AR: variants seen among roughly 807,000 people sequenced by gnomAD.
AR encodes the protein androgen receptor, also known as dihydrotestosterone receptor.
AR carries 8 observed loss-of-function variants against 53.9 expected under a neutral mutation model. That is an observed-to-expected ratio of 0.15 (90% CI 0.09 to 0.27). The LOEUF (loss-of-function observed/expected upper bound fraction) is 0.27. Ranked by LOEUF, AR falls within the 10% of genes least tolerant of loss-of-function variation. AR has a pLI of 1.00. For synonymous variants in AR, 359 were observed against 316.4 expected, an observed-to-expected ratio of 1.13 and a Z score of -1.43; for missense variants, 639 against 742.5, an observed-to-expected ratio of 0.86 and a Z score of 1.62.
intron 2 of AR, 138 bp downstream of exon 2, chrX:67,643,545 C>A: frequency 1.1e-6 from 1 of 881,494 alleles, no homozygotes; most frequent in African/African-American, 2.0e-5. Context: ...AACTTAGGAG[C>A]CTAAGGAAGC....
rs1555969922 is a variant in AR, at chrX:67,546,508, G to GGGTGGTGGC, written c.1365_1373dup (p.Gly471_Gly473dup). ...TGTATGGACCGTGTGGTGGTGGTGGGGGTGGTGGCGGCGGCGGCGGCGGCG... is the reference window on the plus strand; with the variant it reads ...TGTATGGACCGTGTGGTGGTGGTGGGGGTGGTGGCGGTGGTGGCGGCGGCGGCGGCGGCG... On this transcript the variant is annotated inframe_insertion, in exon 1 of 8. Coordinates refer to ENST00000374690, the MANE Select transcript of AR (RefSeq NM_000044.6). 4.5e-5 allele frequency: 43 copies of GGGTGGTGGC among 965,661 alleles called. No homozygotes were observed. Among genetic ancestry groups the GGGTGGTGGC allele is most frequent in the Admixed American group, 4.7e-5 (1 of 21,443 alleles). 79.6% of individuals were successfully genotyped at this position (965,661 alleles called of 1,213,427 possible). A position where few individuals can be genotyped will look rare whatever the true frequency, so the allele number is the denominator to read the frequency against.
intron 1 of AR, among the ~76,000 whole-genome samples, chrX:67,630,952 A>C (rs1925060315): frequency 9.0e-6 from 1 of 111,008 alleles, no homozygotes; most frequent in African/African-American, 3.3e-5. Context: ...TTCTTTATGA[A>C]TGTTGAATAT....
intron 1 of AR, among the ~76,000 whole-genome samples, chrX:67,628,298 C>G (rs1569287154): frequency 1.0e-5 from 1 of 100,166 alleles, no homozygotes; most frequent in Non-Finnish European, 2.1e-5. Flanking sequence ...TTGTTTGTAT[C>G]CTCTTTTATT....
chrX:67,599,745 T>A (rs1344588683), intron 1 of AR, among the ~76,000 whole-genome samples: 1 of 112,606 alleles, frequency 8.9e-6, no homozygotes, highest in Non-Finnish European at 1.9e-5. Context: ...CAATGCTGAT[T>A]TATTTCAAAA....
At chrX:67,569,174 T>G in intron 1 of AR, 1 of 330,495 alleles carries the variant, frequency 3.0e-6, no homozygotes, top group South Asian at 6.4e-5. Flanking sequence ...GTTGACTAAT[T>G]TGGGGCAGAA....
intron 2 of AR, among the ~76,000 whole-genome samples, chrX:67,661,177 C>T (rs1474268171): frequency 9.0e-6 from 1 of 111,441 alleles, no homozygotes; most frequent in Non-Finnish European, 1.9e-5. Context: ...AATTTGACTT[C>T]CTCTTTTCCT....
chrX:67,630,599 C>A (rs1334456143), intron 1 of AR, among the ~76,000 whole-genome samples: 16 of 111,015 alleles, frequency 1.4e-4, no homozygotes, highest in African/African-American at 5.3e-4. Context: ...ATCCAATTTG[C>A]CAGTCTGTGT....
intron 1 of AR, among the ~76,000 whole-genome samples, chrX:67,626,610 TTATATATA>T (rs201252311): frequency 4.7e-5 from 4 of 85,171 alleles, no homozygotes; most frequent in Admixed American, 1.4e-4. Flanking sequence ...CCGACTAATT[TTATATATA>T]TATATATATA....
chrX:67,696,034 T>C, intron 3 of AR: 1 of 751,933 alleles, frequency 1.3e-6, no homozygotes, highest in Non-Finnish European at 1.6e-6. Flanking sequence ...GTTGCATATT[T>C]CTACTAGTGA....
chrX:67,614,182 G>A (rs778522337), intron 1 of AR, among the ~76,000 whole-genome samples: 13 of 111,513 alleles, frequency 1.2e-4, no homozygotes, highest in Admixed American at 2.9e-4. Flanking sequence ...TTAGGCCATC[G>A]TGGTTTAAAG....
At chrX:67,659,631 G>T (rs1926772292) in intron 2 of AR, among the ~76,000 whole-genome samples, 3 of 111,665 alleles carry the variant, frequency 2.7e-5, no homozygotes, top group Admixed American at 9.5e-5. Context: ...TGGACATTTG[G>T]GTTGGTTCCA....
intron 1 of AR, among the ~76,000 whole-genome samples, chrX:67,637,884 G>T (rs1925529857): frequency 9.1e-6 from 1 of 110,333 alleles, no homozygotes; most frequent in Non-Finnish European, 1.9e-5. Flanking sequence ...GTACAGGTTT[G>T]TTACATAGGT....
At chrX:67,674,859 A>G (rs1486735797) in intron 2 of AR, among the ~76,000 whole-genome samples, 1 of 111,200 alleles carries the variant, frequency 9.0e-6, no homozygotes, top group African/African-American at 3.3e-5. Flanking sequence ...TCTCCTTTAC[A>G]GAGACTCTCC....
intron 1 of AR, among the ~76,000 whole-genome samples, chrX:67,630,213 G>T (rs1332646176): frequency 3.6e-5 from 4 of 110,865 alleles, no homozygotes; most frequent in African/African-American, 1.3e-4. Flanking sequence ...CTGTCTCGTT[G>T]ATCTGTCTAA....
intron 1 of AR, among the ~76,000 whole-genome samples, chrX:67,623,523 C>T (rs988939362): frequency 7.2e-5 from 8 of 111,273 alleles, no homozygotes; most frequent in African/African-American, 2.3e-4. Context: ...TTTGTAACTG[C>T]GAAGGCCTAT....
chrX:67,687,319 C>T (rs1202829879), intron 3 of AR, among the ~76,000 whole-genome samples: 3 of 112,007 alleles, frequency 2.7e-5, no homozygotes, highest in Non-Finnish European at 5.6e-5. Flanking sequence ...TCCTCCCCAT[C>T]CTCACAGGGC....
chrX:67,646,541 G>C (rs1032083987), intron 2 of AR, among the ~76,000 whole-genome samples: 2 of 110,131 alleles, frequency 1.8e-5, no homozygotes, highest in Non-Finnish European at 1.9e-5. Flanking sequence ...GAGGGAAATA[G>C]TTGGTTTATG....
At chrX:67,552,888 T>C (rs758822313) in intron 1 of AR, among the ~76,000 whole-genome samples, 11 of 112,368 alleles carry the variant, frequency 9.8e-5, no homozygotes, top group Non-Finnish European at 1.7e-4. Context: ...AGTTGGGTTT[T>C]TTATTATTGA....
At chrX:67,579,905 C>T (rs1270421596) in intron 1 of AR, among the ~76,000 whole-genome samples, 1 of 111,292 alleles carries the variant, frequency 9.0e-6, no homozygotes, top group Non-Finnish European at 1.9e-5. Flanking sequence ...AATGGCAGCA[C>T]CCAGGAGGTT....
Sources: gnomAD v4.1 joint callset for allele counts (sites outside exome capture counted in the v4.1 genomes callset) on GRCh38, gnomAD v4.1.1 for gene constraint, MANE v1.5 for transcripts, NCBI Gene and HGNC (gene_info 2026-07-23, HGNC 2026-07-21) for gene names.